The following OSBPL1A variants were observed in gnomAD, a reference collection of about 807,000 sequenced individuals.
OSBPL1A encodes the protein oxysterol-binding protein-related protein 1.
OSBPL1A carries 80 observed loss-of-function variants against 137.1 expected under a neutral mutation model. The ratio of observed to expected loss-of-function variants is 0.58; its 90% CI spans 0.49 to 0.70. The LOEUF is 0.70. OSBPL1A is among the 30% of genes least tolerant of loss of function. The probability of loss-of-function intolerance (pLI) is 0.00; values close to 1 mark genes in which losing one functional copy is unlikely to be tolerated. For missense variants in OSBPL1A, 970 were observed against 1,129.4 expected, an observed-to-expected ratio of 0.86 and a Z score of 2.02; for synonymous variants, 365 against 389.7, an observed-to-expected ratio of 0.94 and a Z score of 0.75.
intron 26 of OSBPL1A, 24 bp downstream of exon 26, chr18:24,166,555 G>A (rs902351093): frequency 1.6e-5 from 25 of 1,594,532 alleles, no homozygotes; most frequent in East Asian, 2.3e-5. Context: ...GTCTTCACTG[G>A]TGGCTTTGGC....
chr18:24,234,997 G>A (rs1001602992), intron 16 of OSBPL1A, among the ~76,000 whole-genome samples: 3 of 152,196 alleles, frequency 2.0e-5, no homozygotes, highest in Non-Finnish European at 4.4e-5. Flanking sequence ...TAAGTGGAGG[G>A]AACAAGGGGA....
At chr18:24,292,155 C>G (rs1439767732) in intron 14 of OSBPL1A, among the ~76,000 whole-genome samples, 2 of 152,118 alleles carry the variant, frequency 1.3e-5, no homozygotes, top group Non-Finnish European at 2.9e-5. Context: ...TGGAAGATAA[C>G]TATAACCCAG....
At chr18:24,275,526 A>G (rs1191624384) in intron 15 of OSBPL1A, among the ~76,000 whole-genome samples, 1 of 152,218 alleles carries the variant, frequency 6.6e-6, no homozygotes, top group African/African-American at 2.4e-5. Flanking sequence ...CAAAATGACT[A>G]CAGGACTGCC....
rs534673430 is a variant in OSBPL1A at position 24,237,793 on chromosome 18, C to T, written c.1444+1427G>A. The stretch of plus-strand genomic sequence containing the variant: ...GACGTGTAATAAATGTCAGCAGTCA[C>T]TCATTCTCCCTCCGACCTCCCTCAG... On this transcript the variant is annotated intron_variant, in intron 16 of 27. Coordinates refer to ENST00000319481, the MANE Select transcript of OSBPL1A (RefSeq NM_080597.4). Among the ~76,000 whole-genome samples the T allele has an allele frequency of 4.6e-5, 7 of 152,322 alleles. 1 individual carries two copies. In the South Asian group the frequency reaches 1.5e-3, roughly 32 times the overall value.
chr18:24,350,739 G>A (rs894796085), intron 4 of OSBPL1A, among the ~76,000 whole-genome samples: 5 of 152,122 alleles, frequency 3.3e-5, no homozygotes, highest in African/African-American at 9.7e-5. Flanking sequence ...AAAATTCTGA[G>A]AGAAAGTGAT....
chr18:24,226,887 ATTTT>A (rs5823416), intron 16 of OSBPL1A, among the ~76,000 whole-genome samples: 19 of 100,856 alleles, frequency 1.9e-4, no homozygotes, highest in Admixed American at 1.8e-3. Context: ...AAAGAAACAG[ATTTT>A]TTTTTTTTTT....
intron 1 of OSBPL1A, among the ~76,000 whole-genome samples, chr18:24,382,216 T>C (rs1173524480): frequency 7.5e-6 from 1 of 133,078 alleles, no homozygotes; most frequent in Admixed American, 8.1e-5. Context: ...CTGGCCAACA[T>C]GGTGAAAACG....
intron 11 of OSBPL1A, among the ~76,000 whole-genome samples, chr18:24,315,340 TTC>T (rs1393755716): frequency 6.6e-6 from 1 of 151,992 alleles, no homozygotes; most frequent in East Asian, 1.9e-4. Context: ...GGTCCCCAGA[TTC>T]TGTCTGCTAC....
chr18:24,239,851 A>G (rs7237106), intron 15 of OSBPL1A, among the ~76,000 whole-genome samples: 16,812 of 151,784 alleles, frequency 0.11, 1,758 homozygotes, highest in African/African-American at 0.28. Flanking sequence ...AATAGTTGGT[A>G]ATAGTTGGTA....
Position 24,271,564 on chromosome 18 carries a change from T to C in OSBPL1A, c.1281+9278A>G. ...GCCCTCCCCGCTCCGTCCCCCGGCG[T>C]CCTCCGTGGCCCCAGGCTGCCCCGC... On this transcript the variant is annotated intron_variant, in intron 15 of 27. Coordinates refer to ENST00000319481, the MANE Select transcript of OSBPL1A (RefSeq NM_080597.4). The surrounding 1 kb of genome is among the most constrained non-coding windows in gnomAD (Gnocchi z 4.0). 1.0e-6 allele frequency: 1 copy of C among 987,254 alleles called. No individual in the cohort carries two copies. Among genetic ancestry groups the C allele is most frequent in the Non-Finnish European group, 1.2e-6 (1 of 831,524 alleles). The allele number at this position is 987,254 out of a possible 1,614,324, so 61.2% of individuals were successfully genotyped here.
chr18:24,251,153 T>A (rs998228358), intron 15 of OSBPL1A, among the ~76,000 whole-genome samples: 3 of 152,182 alleles, frequency 2.0e-5, no homozygotes, highest in South Asian at 2.1e-4. Flanking sequence ...CCAGAAAACA[T>A]CTCTGGACCT....
At chr18:24,243,263 A>G (rs572821841) in intron 15 of OSBPL1A, among the ~76,000 whole-genome samples, 156 of 152,262 alleles carry the variant, frequency 1.0e-3, no homozygotes, top group Non-Finnish European at 1.7e-3. Context: ...GGACTACAAA[A>G]TTGAGCAATG....
At chr18:24,262,978 A>AG (rs1348203081) in intron 15 of OSBPL1A, among the ~76,000 whole-genome samples, 1 of 152,144 alleles carries the variant, frequency 6.6e-6, no homozygotes, top group Non-Finnish European at 1.5e-5. Flanking sequence ...CTTTTTACAA[A>AG]GGACTATTCC....
At chr18:24,357,370 C>A (rs1162340071) in intron 4 of OSBPL1A, 1 of 152,144 alleles carries the variant, frequency 6.6e-6, no homozygotes, top group East Asian at 1.9e-4. Context: ...AGGGAATCTG[C>A]ATTCTACATA....
chr18:24,389,243 T>C (rs1001247380), intron 1 of OSBPL1A, among the ~76,000 whole-genome samples: 7 of 152,206 alleles, frequency 4.6e-5, no homozygotes, highest in African/African-American at 1.7e-4. Flanking sequence ...GAGATTTTCA[T>C]GGCCATGAGA....
chr18:24,200,316 C>T (rs1467824715), intron 17 of OSBPL1A, among the ~76,000 whole-genome samples: 1 of 152,146 alleles, frequency 6.6e-6, no homozygotes, highest in Non-Finnish European at 1.5e-5. Flanking sequence ...GTAATCCCAA[C>T]ACTTTGGGAG....
chr18:24,329,547 C>CAA (rs369613715), intron 7 of OSBPL1A, among the ~76,000 whole-genome samples: 17 of 63,440 alleles, frequency 2.7e-4, no homozygotes, highest in African/African-American at 7.0e-4. Context: ...GAAACTCTGT[C>CAA]AAAAAAAAAA....
At chr18:24,200,702 T>C (rs1185805096) in intron 17 of OSBPL1A, among the ~76,000 whole-genome samples, 2 of 151,822 alleles carry the variant, frequency 1.3e-5, no homozygotes, top group Non-Finnish European at 2.9e-5. Flanking sequence ...AACAAAAGGG[T>C]TGTATTGTTT....
intron 7 of OSBPL1A, among the ~76,000 whole-genome samples, chr18:24,323,566 T>C (rs1196116813): frequency 2.4e-5 from 1 of 41,688 alleles, no homozygotes; most frequent in South Asian, 6.1e-4. Context: ...TTTTTTATTA[T>C]ACTCTAAGTT....
Sources: allele counts gnomAD v4.1 joint callset (sites outside exome capture counted in the v4.1 genomes callset), GRCh38; gene constraint gnomAD v4.1.1; non-coding constraint Gnocchi (gnomAD v3.1); transcripts MANE v1.5; gene names NCBI Gene and HGNC (gene_info 2026-07-23, HGNC 2026-07-21).